The following CREBBP variants were observed in gnomAD, a reference collection of about 807,000 sequenced individuals.
The protein encoded by CREBBP is CREB-binding protein.
A neutral mutation model predicts 265.0 loss-of-function variants in CREBBP; 19 were observed. The observed-to-expected ratio is 0.07, with a 90% CI of 0.05 to 0.11. CREBBP has a LOEUF of 0.11. CREBBP is among the 10% of genes least tolerant of loss of function. The probability of loss-of-function intolerance (pLI) is 1.00; values close to 1 mark genes in which losing one functional copy is unlikely to be tolerated. For missense variants in CREBBP, 2,525 were observed against 3,219.0 expected (o/e 0.78, Z 5.22); for synonymous variants, 1,457 against 1,223.7 (o/e 1.19, Z -3.98).
At chr16:3,820,241 T>C (rs1307770752) in intron 2 of CREBBP, among the ~76,000 whole-genome samples, 1 of 152,264 alleles carries the variant, frequency 6.6e-6, no homozygotes, top group Non-Finnish European at 1.5e-5. Flanking sequence ...TGGAAAGACA[T>C]GACTGCATTC....
intron 26 of CREBBP, 73 bp from the exon 27 acceptor site, chr16:3,736,888 G>A (rs2052075270): frequency 1.3e-6 from 2 of 1,566,634 alleles, no homozygotes; most frequent in Non-Finnish European, 8.8e-7. Context: ...AGTTATAGCA[G>A]AGGAGCAAGG....
chr16:3,856,179 G>A (rs780980081), intron 1 of CREBBP, among the ~76,000 whole-genome samples: 12 of 152,086 alleles, frequency 7.9e-5, no homozygotes, highest in Non-Finnish European at 1.8e-4. Flanking sequence ...TCACCTCTGT[G>A]CAATGGCACA....
chr16:3,791,856 C>T lies in CREBBP; in HGVS notation c.1330+125G>A, dbSNP rs532753686. On this transcript the variant is annotated intron_variant, in intron 5 of 30. Transcript: ENST00000262367. The stretch of plus-strand genomic sequence containing the variant: ...CTTGGCTGTACCTTGGGCTGCTGTC[C>T]GCCCTACCTCACCCTGCACTCCATG... 3.1e-5 allele frequency: 26 copies of T among 844,230 alleles called. No homozygotes were observed. The African/African-American group carries it at 3.8e-4, about 12-fold the overall frequency. The allele number at this position is 844,230 out of a possible 1,614,324, so 52.3% of individuals were successfully genotyped here.
intron 2 of CREBBP, among the ~76,000 whole-genome samples, chr16:3,848,500 G>A (rs1038468269): frequency 2.0e-5 from 3 of 152,088 alleles, no homozygotes; most frequent in Non-Finnish European, 2.9e-5. Flanking sequence ...TGCACTGGAC[G>A]GATGATGAAA....
intron 21 of CREBBP, among the ~76,000 whole-genome samples, chr16:3,746,259 G>A (rs1405755673): frequency 6.6e-6 from 1 of 152,018 alleles, no homozygotes; most frequent in African/African-American, 2.4e-5. Context: ...CATTGCACGT[G>A]CTATGCAAGC....
At chr16:3,776,461 A>C (rs145592354) in intron 11 of CREBBP, among the ~76,000 whole-genome samples, 1 of 152,268 alleles carries the variant, frequency 6.6e-6, no homozygotes, top group East Asian at 1.9e-4. Context: ...ACAGCTGCTG[A>C]CACCCCAACC....
Position 3,729,587 on chromosome 16 carries a change from C to T in CREBBP, c.5460G>A (p.Lys1820=), listed in dbSNP as rs146656224. The T allele has an allele frequency of 1.2e-5, 19 of 1,614,086 alleles. No individual in the cohort carries two copies. The African/African-American group carries it at 2.3e-4, about 19-fold the overall frequency. The change falls in exon 31 of 31, where the codon AAG becomes AAA. Residue 1820 remains lysine (K), a synonymous_variant. Transcript: ENST00000262367. ...RKTNGGCPVC[K]QLIALCCYHA... ...GGTAGCAGCAGAGGGCGATGAGCTG[C>T]TTGCACACCGGGCAGCCCCCGTTGG...
At chr16:3,783,113 A>G (rs965835553) in intron 5 of CREBBP, among the ~76,000 whole-genome samples, 187 bp from the exon 6 acceptor site, 2 of 152,242 alleles carry the variant, frequency 1.3e-5, no homozygotes, top group Non-Finnish European at 2.9e-5. Flanking sequence ...TCTGCCTAGC[A>G]GTAAGTGAGG....
chr16:3,853,215 C>T (rs528972956), intron 1 of CREBBP, among the ~76,000 whole-genome samples: 136 of 152,138 alleles, frequency 8.9e-4, no homozygotes, highest in Non-Finnish European at 1.7e-3. Context: ...GTGTAAAACA[C>T]GACTGAGAAC....
At chr16:3,819,221 A>C (rs1449822371) in intron 2 of CREBBP, among the ~76,000 whole-genome samples, 1 of 152,260 alleles carries the variant, frequency 6.6e-6, no homozygotes, top group Non-Finnish European at 1.5e-5. Flanking sequence ...GGCTCTGGGG[A>C]TATCTGAATG....
intron 2 of CREBBP, among the ~76,000 whole-genome samples, chr16:3,836,777 A>T (rs747140618): frequency 2.2e-4 from 33 of 152,232 alleles, no homozygotes; most frequent in Non-Finnish European, 4.1e-4. Flanking sequence ...CATGTGTTGC[A>T]TAACAACATT....
chr16:3,787,127 G>T (rs2053406186), intron 5 of CREBBP, among the ~76,000 whole-genome samples: 2 of 151,806 alleles, frequency 1.3e-5, no homozygotes, highest in Non-Finnish European at 2.9e-5. Context: ...AAAGTTGCTG[G>T]TGGCACCACC....
chr16:3,803,112 G>A (rs2053751830), intron 3 of CREBBP, among the ~76,000 whole-genome samples: 1 of 152,020 alleles, frequency 6.6e-6, no homozygotes, highest in African/African-American at 2.4e-5. Flanking sequence ...TATTTTCATA[G>A]AGGAAATGTT....
At chr16:3,783,166 A>G (rs1288053903) in intron 5 of CREBBP, among the ~76,000 whole-genome samples, 1 of 152,246 alleles carries the variant, frequency 6.6e-6, no homozygotes, top group Non-Finnish European at 1.5e-5. Flanking sequence ...CTTAGCATGC[A>G]ACAGACCATA....
chr16:3,863,228 T>G (rs903930044), intron 1 of CREBBP, among the ~76,000 whole-genome samples: 1 of 152,200 alleles, frequency 6.6e-6, no homozygotes, highest in African/African-American at 2.4e-5. Flanking sequence ...CAAATGCACT[T>G]GATGGCTGTA....
intron 2 of CREBBP, among the ~76,000 whole-genome samples, chr16:3,824,042 G>A (rs560428760): frequency 5.8e-4 from 89 of 152,298 alleles, no homozygotes; most frequent in African/African-American, 2.0e-3. Context: ...GGGAGGTACT[G>A]TGCAGTGGTG....
intron 2 of CREBBP, among the ~76,000 whole-genome samples, chr16:3,825,114 T>C (rs983079802): frequency 6.6e-6 from 1 of 152,202 alleles, no homozygotes; most frequent in Non-Finnish European, 1.5e-5. Context: ...AAAACAGGCA[T>C]GCATCCTTAC....
At chr16:3,859,961 C>A (rs749434494) in intron 1 of CREBBP, among the ~76,000 whole-genome samples, 5 of 152,172 alleles carry the variant, frequency 3.3e-5, no homozygotes, top group African/African-American at 9.6e-5. Context: ...CTTGTGGGAA[C>A]CCCATTTATA....
chr16:3,818,868 T>C lies in CREBBP; in HGVS notation c.799-8089A>G, dbSNP rs79490902. 6.9e-3 allele frequency among the ~76,000 whole-genome samples: 1,054 copies of C among 152,302 alleles called. 13 individuals carry two copies. Among genetic ancestry groups the C allele is most frequent in the Middle Eastern group, 0.017 (5 of 294 alleles). ...TAAGACTAGCTAAAACCTACCACTT[T>C]ATAGGTGAGGAAGGGGCCCCCCGGA... On this transcript the variant is annotated intron_variant, in intron 2 of 30. Coordinates refer to ENST00000262367, the MANE Select transcript of CREBBP (RefSeq NM_004380.3).
Sources: allele counts gnomAD v4.1 joint callset (sites outside exome capture counted in the v4.1 genomes callset), GRCh38; gene constraint gnomAD v4.1.1; transcripts MANE v1.5; gene names NCBI Gene and HGNC (gene_info 2026-07-23, HGNC 2026-07-21).